PDE8B: variants seen among roughly 807,000 people sequenced by gnomAD.
PDE8B encodes the protein phosphodiesterase 8B, also known as high affinity cAMP-specific and IBMX-insensitive 3',5'-cyclic phosphodiesterase 8B.
PDE8B carries 26 observed loss-of-function variants against 101.3 expected under a neutral mutation model. The ratio of observed to expected loss-of-function variants is 0.26; its 90% confidence interval spans 0.19 to 0.36. The LOEUF is 0.36. PDE8B is among the 10% of genes least tolerant of loss of function. PDE8B has a pLI of 1.00. For synonymous variants in PDE8B, 424 were observed against 429.3 expected, an observed-to-expected ratio of 0.99 and a Z score of 0.15; for missense variants, 810 against 1,163.1, an observed-to-expected ratio of 0.70 and a Z score of 4.42.
At chr5:77,255,923 C>T (rs549363460) in intron 1 of PDE8B, among the ~76,000 whole-genome samples, 1 of 152,274 alleles carries the variant, frequency 6.6e-6, no homozygotes, top group South Asian at 2.1e-4. Context: ...ATTTCTCTGC[C>T]CTGGGCTGGA....
At position 77,360,851 on chromosome 5, in the gene PDE8B, T is replaced by A. The variant is rs114695257; in HGVS notation, c.1167+7445T>A. 4.6e-3 allele frequency among the ~76,000 whole-genome samples: 693 copies of A among 152,248 alleles called. 4 individuals carry two copies. The highest frequency in any genetic ancestry group is 6.7e-3 in the Non-Finnish European group (457 of 68,008). On this transcript the variant is annotated intron_variant, in intron 10 of 21. Transcript: ENST00000264917. ...ACCCACCACCACTTCCTTTAAGCCA[T>A]TATGACCTCTCATCCTACAGAGCCT...
At chr5:77,343,369 A>T (rs1265343828) in intron 6 of PDE8B, among the ~76,000 whole-genome samples, 1 of 152,232 alleles carries the variant, frequency 6.6e-6, no homozygotes, top group Non-Finnish European at 1.5e-5. Flanking sequence ...CACTTAGGCT[A>T]CGTGGTACAG....
chr5:77,176,889 CA>C, the PDE8B span, among the ~76,000 whole-genome samples: 1 of 152,190 alleles, frequency 6.6e-6, no homozygotes, highest in Non-Finnish European at 1.5e-5. Context: ...AGCATGAGAG[CA>C]GAGCTTCACT....
chr5:77,260,157 CAAAA>C (rs66923234), intron 1 of PDE8B, among the ~76,000 whole-genome samples: 5 of 100,980 alleles, frequency 5.0e-5, no homozygotes, highest in African/African-American at 7.5e-5. Context: ...AACTCCATCA[CAAAA>C]AAAAAAAAAA....
chr5:77,180,314 G>C, the PDE8B span: 12 of 403,454 alleles, frequency 3.0e-5, no homozygotes, highest in African/African-American at 2.6e-4. Flanking sequence ...AGAGTCCCAC[G>C]GAGCAACCAG....
intron 1 of PDE8B, among the ~76,000 whole-genome samples, chr5:77,247,340 G>A (rs1259005880): frequency 6.6e-6 from 1 of 152,186 alleles, no homozygotes; most frequent in Non-Finnish European, 1.5e-5. Flanking sequence ...GTGTGATGCG[G>A]TCCTGGCACT....
chr5:77,411,059 T>C (rs1403565742), intron 14 of PDE8B: 1 of 152,830 alleles, frequency 6.5e-6, no homozygotes, highest in Non-Finnish European at 1.5e-5. Context: ...TGGCCAAGCA[T>C]TGGAATTTCG....
chr5:77,376,703 T>A (rs1561609394), intron 10 of PDE8B, among the ~76,000 whole-genome samples: 1 of 152,206 alleles, frequency 6.6e-6, no homozygotes, highest in Non-Finnish European at 1.5e-5. Context: ...ATAAAACTGT[T>A]TTACATTCCT....
chr5:77,400,928 C>A (rs1442920379), intron 11 of PDE8B, among the ~76,000 whole-genome samples: 1 of 152,182 alleles, frequency 6.6e-6, no homozygotes, highest in Non-Finnish European at 1.5e-5. Flanking sequence ...GCAAGAATTG[C>A]AACATTCTTT....
At chr5:77,338,806 C>A (rs1778643609) in intron 6 of PDE8B, among the ~76,000 whole-genome samples, 1 of 151,974 alleles carries the variant, frequency 6.6e-6, no homozygotes, top group Admixed American at 6.6e-5. Context: ...TGTGTATTAC[C>A]CACCATAAAA....
chr5:77,287,443 T>A (rs893554301), intron 1 of PDE8B, among the ~76,000 whole-genome samples: 3 of 151,968 alleles, frequency 2.0e-5, no homozygotes, highest in Non-Finnish European at 4.4e-5. Context: ...TTTTTCTTCA[T>A]ATTTTTTTTT....
upstream of PDE8B, among the ~76,000 whole-genome samples, chr5:77,209,090 C>T (rs1178229234): frequency 1.3e-5 from 2 of 152,160 alleles, no homozygotes; most frequent in African/African-American, 4.8e-5. Context: ...AGGACCCAAC[C>T]TGTGCAGAAA....
In PDE8B at chr5:77,211,087, C is replaced by T. The variant is rs777725024; in HGVS notation, c.162C>T (p.Pro54=). The T allele has an allele frequency of 6.7e-6, 10 of 1,497,008 alleles. No individual in the cohort carries two copies. The highest frequency in any genetic ancestry group is 6.2e-5 in the South Asian group (5 of 80,208). The allele number at this position is 1,497,008 out of a possible 1,614,324, so 92.7% of individuals were successfully genotyped here. ...AGACCGACGCCGCCGACGCCATCCC[C>T]CCGAGCCGCGCGTCGGGACCCCCCA... The part of the protein sequence containing the change: ...FVQTDAADAI[P]PSRASGPPSV... The change falls in exon 1 of 22, where the codon CCC becomes CCT. Residue 54 remains proline, a synonymous_variant. Coordinates refer to ENST00000264917, the MANE Select transcript of PDE8B (RefSeq NM_003719.5). This position sits in a 1 kb window ranked among gnomAD's most constrained non-coding sequence, Gnocchi z 4.1.
intron 1 of PDE8B, among the ~76,000 whole-genome samples, chr5:77,289,660 G>A (rs1161355450): frequency 6.6e-6 from 1 of 152,162 alleles, no homozygotes; most frequent in Non-Finnish European, 1.5e-5. Flanking sequence ...TATGTAAAAT[G>A]AAAAGGTTGG....
intron 2 of PDE8B, among the ~76,000 whole-genome samples, chr5:77,314,668 A>G (rs982902333): frequency 6.6e-6 from 1 of 152,106 alleles, no homozygotes; most frequent in Non-Finnish European, 1.5e-5. Context: ...TATGTACAAG[A>G]TCATGGCCCA....
chr5:77,404,477 C>T (rs1792997180), intron 11 of PDE8B, among the ~76,000 whole-genome samples: 1 of 152,190 alleles, frequency 6.6e-6, no homozygotes, highest in Admixed American at 6.5e-5. Context: ...ACCCTTGATA[C>T]TAAGCTATAT....
At chr5:77,299,430 A>G (rs1413310372) in intron 1 of PDE8B, among the ~76,000 whole-genome samples, 1 of 40,412 alleles carries the variant, frequency 2.5e-5, no homozygotes, top group Non-Finnish European at 4.5e-5. Context: ...CCCTCCCCCC[A>G]CCCCACAACA....
intron 1 of PDE8B, among the ~76,000 whole-genome samples, chr5:77,251,996 C>T (rs1047958776): frequency 6.6e-6 from 1 of 152,158 alleles, no homozygotes; most frequent in Non-Finnish European, 1.5e-5. Context: ...CGAAGGCAGC[C>T]TCTATTTCTG....
Position 77,421,826 on chromosome 5 carries a change from A to G in PDE8B, c.2256A>G (p.Glu752=). The G allele has an allele frequency of 6.2e-7, 1 of 1,614,072 alleles. No individual in the cohort carries two copies. Among genetic ancestry groups the G allele is most frequent in the Non-Finnish European group, 8.5e-7 (1 of 1,179,980 alleles). The part of the protein sequence containing the change: ...SINKPMAAEI[E]GSDCECNPAG... ...TCTGACCATCTGTTTTCCAGATTGAAGGCAGCGACTGTGAATGCAACCCTG... is the reference window on the plus strand; with the variant it reads ...TCTGACCATCTGTTTTCCAGATTGAGGGCAGCGACTGTGAATGCAACCCTG... Residue 752 remains glutamate (E), a synonymous_variant, in exon 20 of 22, where the codon GAA becomes GAG. Transcript: ENST00000264917.
Sources: gnomAD v4.1 joint callset for allele counts (sites outside exome capture counted in the v4.1 genomes callset) on GRCh38, gnomAD v4.1.1 for gene constraint, Gnocchi (gnomAD v3.1) non-coding constraint, MANE v1.5 for transcripts, NCBI Gene and HGNC (gene_info 2026-07-23, HGNC 2026-07-21) for gene names.